Variants in OTOG observed in about 807,000 individuals in gnomAD.
OTOG encodes otogelin.
In OTOG, 296 loss-of-function variants were observed where a neutral mutation model predicts 313.8. That is an observed-to-expected ratio of 0.94 (90% CI 0.86 to 1.04). The LOEUF is 1.04. OTOG is among the 50% of genes least tolerant of loss of function. The pLI, the probability that OTOG is intolerant of heterozygous loss-of-function variation, is 0.00. For synonymous variants in OTOG, 1,533 were observed against 1,554.9 expected, an observed-to-expected ratio of 0.99 and a Z score of 0.33; for missense variants, 3,948 against 3,840.1, an observed-to-expected ratio of 1.03 and a Z score of -0.74.
At chr11:17,625,925 T>C (rs777664221) in intron 39 of OTOG, among the ~76,000 whole-genome samples, 18 of 152,230 alleles carry the variant, frequency 1.2e-4, no homozygotes, top group Non-Finnish European at 2.2e-4. Context: ...AGTGGTTTTA[T>C]AGTTTGAGGT....
At chr11:17,587,807 T>C (rs1331990719) in intron 24 of OTOG, among the ~76,000 whole-genome samples, 2 of 152,158 alleles carry the variant, frequency 1.3e-5, no homozygotes, top group Non-Finnish European at 2.9e-5. Flanking sequence ...ATTTTGTGAC[T>C]GTGGTGAGCC....
chr11:17,548,416 C>CTTTTTTTTTTTTTT (rs1565085438), intron 3 of OTOG, among the ~76,000 whole-genome samples: 1 of 89,600 alleles, frequency 1.1e-5, no homozygotes, highest in African/African-American at 4.4e-5. Context: ...CTATAGTCCA[C>CTTTTTTTTTTTTTT]TCTTTTTTTT....
chr11:17,645,358 C>T (rs1460065046), intron 54 of OTOG, among the ~76,000 whole-genome samples: 1 of 152,214 alleles, frequency 6.6e-6, no homozygotes, highest in Non-Finnish European at 1.5e-5. Context: ...GCTCACACTG[C>T]TCTGTTTCTG....
chr11:17,634,845 G>A lies in OTOG; in HGVS notation c.7482G>A (p.Val2494=). 1 of 1,549,390 alleles carries A rather than the reference G, an allele frequency of 6.5e-7. No individual in the cohort carries two copies. Among genetic ancestry groups the A allele is most frequent in the Non-Finnish European group, 8.7e-7 (1 of 1,146,716 alleles). ...AGGCCCTGTGGTCCCCGGGGCCAGT[G>A]TGTAACCAGACTCTGTGTGAGGGTC... The part of the protein sequence containing the change: ...KDPCCLGTVC[V]CNQTLCEGLA... The change falls in exon 45 of 56, where the codon GTG becomes GTA. Residue 2494 remains valine, a splice_region_variant and synonymous_variant. Coordinates refer to ENST00000399397, the MANE Select transcript of OTOG (RefSeq NM_001292063.2).
chr11:17,586,808 A>C (rs763326275), intron 24 of OTOG, among the ~76,000 whole-genome samples: 4 of 152,188 alleles, frequency 2.6e-5, no homozygotes, highest in Non-Finnish European at 5.9e-5. Context: ...ATGTATATGA[A>C]TGTGTATACA....
At chr11:17,579,005 C>G (rs1326834491) in intron 23 of OTOG, among the ~76,000 whole-genome samples, 1 of 152,240 alleles carries the variant, frequency 6.6e-6, no homozygotes, top group Admixed American at 6.5e-5. Flanking sequence ...AAAACTGTCT[C>G]ATTCCCAGGT....
At chr11:17,563,828 G>A (rs1193750890) in intron 15 of OTOG, among the ~76,000 whole-genome samples, 2 of 148,238 alleles carry the variant, frequency 1.3e-5, no homozygotes, top group Non-Finnish European at 3.0e-5. Context: ...CCACAGACAC[G>A]TGCCACCACA....
chr11:17,627,982 A>G (rs922962785), intron 39 of OTOG, among the ~76,000 whole-genome samples: 7 of 151,984 alleles, frequency 4.6e-5, no homozygotes, highest in African/African-American at 1.7e-4. Flanking sequence ...TAGTTAGGCT[A>G]AAGGTTTGTC....
chr11:17,604,984 C>T (rs1853346650), intron 32 of OTOG, among the ~76,000 whole-genome samples: 1 of 152,228 alleles, frequency 6.6e-6, no homozygotes, highest in South Asian at 2.1e-4. Flanking sequence ...ACAGGGGACA[C>T]ATGGAAGGGG....
intron 10 of OTOG, 49 bp from the exon 11 acceptor site, chr11:17,559,003 G>A (rs748007313): frequency 7.0e-7 from 1 of 1,424,380 alleles, no homozygotes; most frequent in African/African-American, 1.4e-5. Context: ...TGGTGGGCTG[G>A]TGGCACTTTG....
intron 48 of OTOG, 125 bp downstream of exon 48, chr11:17,638,674 G>A (rs1281688347): frequency 2.0e-6 from 3 of 1,504,192 alleles, no homozygotes; most frequent in Non-Finnish European, 1.8e-6. Flanking sequence ...GGTCTCTAGA[G>A]GAAGCCACCA....
intron 24 of OTOG, among the ~76,000 whole-genome samples, chr11:17,590,543 C>T (rs1012914133): frequency 6.6e-6 from 1 of 152,366 alleles, no homozygotes; most frequent in Non-Finnish European, 1.5e-5. Context: ...TTTCTGCTTC[C>T]CCTTGACCGC....
At chr11:17,558,927 G>A in intron 10 of OTOG, 125 bp from the exon 11 acceptor site, 1 of 820,406 alleles carries the variant, frequency 1.2e-6, no homozygotes, top group South Asian at 1.5e-5. Flanking sequence ...TGCCTTCCTG[G>A]GCAGCCTTTC....
chr11:17,613,195 T>TTTCTTTTCTTTCCTTC (rs1401646180), intron 38 of OTOG, among the ~76,000 whole-genome samples: 1 of 65,328 alleles, frequency 1.5e-5, no homozygotes, highest in African/African-American at 7.6e-5. Context: ...TCTTTCTTTC[T>TTTCTTTTCTTTCCTTC]TTTCTTTCTT....
At chr11:17,605,123 C>G (rs1171403849) in intron 32 of OTOG, among the ~76,000 whole-genome samples, 1 of 152,242 alleles carries the variant, frequency 6.6e-6, no homozygotes, top group Non-Finnish European at 1.5e-5. Flanking sequence ...GCTGGGATTC[C>G]CGCCCCATGC....
At chr11:17,587,521 G>A (rs757162246) in intron 24 of OTOG, among the ~76,000 whole-genome samples, 1 of 152,204 alleles carries the variant, frequency 6.6e-6, no homozygotes, top group Non-Finnish European at 1.5e-5. Context: ...CTATCTCAGA[G>A]ACCCATCTGG....
At chr11:17,616,732 C>T (rs751910106) in intron 39 of OTOG, among the ~76,000 whole-genome samples, 17 of 152,276 alleles carry the variant, frequency 1.1e-4, no homozygotes, top group Non-Finnish European at 1.8e-4. Context: ...TATCTTGCAA[C>T]GTTACTAAGC....
rs1406354520 is a variant in OTOG at position 17,641,943 on chromosome 11, C to T, written c.8287C>T (p.Leu2763=). Residue 2763 remains leucine (L), a synonymous_variant, in exon 52 of 56, where the codon CTG becomes TTG. Transcript: ENST00000399397. The part of the protein sequence containing the change: ...LFTFPNGTTS[L]FLPGASWIAD... ...CACCTTCCCCAATGGCACCACCTCCCTGTTCTTGGTAAGCAGCCCCCTCGC... is the reference window on the plus strand; with the variant it reads ...CACCTTCCCCAATGGCACCACCTCCTTGTTCTTGGTAAGCAGCCCCCTCGC... 1 of 1,550,136 alleles carries T rather than the reference C, an allele frequency of 6.5e-7. No homozygotes were observed. The highest frequency in any genetic ancestry group is 2.0e-5 in the Admixed American group (1 of 50,960).
chr11:17,630,989 C>T (rs1854108158), intron 40 of OTOG, among the ~76,000 whole-genome samples: 1 of 152,218 alleles, frequency 6.6e-6, no homozygotes, highest in Non-Finnish European at 1.5e-5. Flanking sequence ...ACCCAGAGTC[C>T]TTCCATCTTC....
Sources: allele counts gnomAD v4.1 joint callset (sites outside exome capture counted in the v4.1 genomes callset), GRCh38; gene constraint gnomAD v4.1.1; transcripts MANE v1.5; gene names NCBI Gene and HGNC (gene_info 2026-07-23, HGNC 2026-07-21).